Variants in DAB1 observed in about 807,000 individuals in gnomAD.
DAB1 encodes DAB adaptor protein 1, also known as disabled homolog 1.
In DAB1, 15 loss-of-function variants were observed where a neutral mutation model predicts 64.6. The ratio of observed to expected loss-of-function variants is 0.23; its 90% CI spans 0.16 to 0.36. DAB1 has a LOEUF of 0.36. Among genes scored for constraint, DAB1 ranks in the 10% least tolerant of loss-of-function variants. DAB1 has a pLI of 1.00. For missense variants in DAB1, 596 were observed against 706.7 expected (o/e 0.84, Z 1.78); for synonymous variants, 235 against 251.9 (o/e 0.93, Z 0.64).
chr1:57,987,641 A>C (rs1040911510), intron 5 of DAB1, among the ~76,000 whole-genome samples: 1 of 152,168 alleles, frequency 6.6e-6, no homozygotes, highest in Non-Finnish European at 1.5e-5. Context: ...AGGAATGCTA[A>C]AGGTGCTCAG....
intron 1 of DAB1, among the ~76,000 whole-genome samples, chr1:57,368,494 T>C (rs1005193752): frequency 2.6e-5 from 4 of 152,152 alleles, no homozygotes; most frequent in African/African-American, 9.6e-5. Flanking sequence ...CAGCCAGAGC[T>C]GAGCAGACTT....
intron 6 of DAB1, among the ~76,000 whole-genome samples, chr1:57,662,186 T>G (rs1646394962): frequency 6.7e-6 from 1 of 149,504 alleles, no homozygotes; most frequent in Admixed American, 6.6e-5. Flanking sequence ...GTTCTTTGTT[T>G]GTTTGTTTGT....
intron 3 of DAB1, among the ~76,000 whole-genome samples, chr1:58,467,510 G>C (rs1312488562): frequency 6.6e-6 from 1 of 152,182 alleles, no homozygotes; most frequent in Non-Finnish European, 1.5e-5. Flanking sequence ...GAAATGAGTA[G>C]ATGAGAGTCT....
At chr1:57,248,280 T>G (rs1669044333) in intron 2 of DAB1, among the ~76,000 whole-genome samples, 1 of 152,038 alleles carries the variant, frequency 6.6e-6, no homozygotes, top group Non-Finnish European at 1.5e-5. Flanking sequence ...ATACTTTCAA[T>G]CCATGGTTGG....
intron 6 of DAB1, among the ~76,000 whole-genome samples, chr1:57,693,166 C>G (rs999281166): frequency 2.0e-5 from 3 of 152,108 alleles, no homozygotes; most frequent in East Asian, 3.9e-4. Flanking sequence ...AAAGAGTTCC[C>G]CTCCAGAGGA....
chr1:57,370,290 A>C (rs987788654), intron 1 of DAB1, among the ~76,000 whole-genome samples: 2 of 152,214 alleles, frequency 1.3e-5, no homozygotes, highest in South Asian at 4.1e-4. Context: ...GCAAAATAAG[A>C]TAATAAGAAA....
At chr1:57,330,403 G>A (rs1468833699) in intron 1 of DAB1, among the ~76,000 whole-genome samples, 1 of 152,196 alleles carries the variant, frequency 6.6e-6, no homozygotes, top group Non-Finnish European at 1.5e-5. Flanking sequence ...ACAGGTTGTG[G>A]AGTCACAGAA....
intron 7 of DAB1, among the ~76,000 whole-genome samples, chr1:57,628,261 G>A (rs1570686434): frequency 6.6e-6 from 1 of 152,180 alleles, no homozygotes; most frequent in Non-Finnish European, 1.5e-5. Flanking sequence ...ATGTAAAAAA[G>A]CATTTATAAA....
chr1:58,349,182 C>T (rs1454975862), intron 3 of DAB1, among the ~76,000 whole-genome samples: 1 of 152,166 alleles, frequency 6.6e-6, no homozygotes, highest in Non-Finnish European at 1.5e-5. Context: ...ATCTGAGCTC[C>T]TGGGTTGCTC....
chr1:58,468,003 C>A (rs338245), intron 3 of DAB1: 125,177 of 151,960 alleles, frequency 0.82, 52,488 homozygotes, highest in African/African-American at 0.93. Context: ...CAGCTCACTG[C>A]AACCTCTGCC....
chr1:58,201,937 T>C (rs1248521049), intron 4 of DAB1, among the ~76,000 whole-genome samples: 2 of 152,146 alleles, frequency 1.3e-5, no homozygotes, highest in African/African-American at 4.8e-5. Context: ...GCAGCCTCTA[T>C]AGCAACATCC....
rs1334633626 is a variant in DAB1, at chr1:56,997,306, A to G, written c.*838T>C. 2 of 152,202 alleles carry G rather than the reference A, an allele frequency of 1.3e-5. No homozygotes were observed. Among genetic ancestry groups the G allele is most frequent in the Non-Finnish European group, 2.9e-5 (2 of 68,034 alleles). 9.4% of individuals were successfully genotyped at this position (152,202 alleles called of 1,614,324 possible). A position where few individuals can be genotyped will look rare whatever the true frequency, so the allele number is the denominator to read the frequency against. The stretch of plus-strand genomic sequence containing the variant: ...ATTTTTCATCTTTCTCATCAATGGG[A>G]TCTGATGTCTTTTCCTACTCACAGA... On this transcript the variant is annotated 3_prime_UTR_variant, in exon 15 of 15. Transcript: ENST00000371236.
chr1:57,263,784 A>T (rs1670378468), intron 2 of DAB1, among the ~76,000 whole-genome samples: 1 of 152,200 alleles, frequency 6.6e-6, no homozygotes, highest in Admixed American at 6.5e-5. Context: ...TTTTCATTAC[A>T]CTTGTTATCT....
intron 5 of DAB1, among the ~76,000 whole-genome samples, chr1:58,087,328 A>C (rs542738528): frequency 2.6e-5 from 4 of 152,340 alleles, no homozygotes; most frequent in African/African-American, 9.6e-5. Context: ...TCAAAGGAGG[A>C]GCACTTTAAG....
intron 4 of DAB1, among the ~76,000 whole-genome samples, chr1:58,328,856 G>A (rs1213641): frequency 0.017 from 2,530 of 152,032 alleles, 86 homozygotes; most frequent in African/African-American, 0.058. Context: ...TGCCTGCCTC[G>A]GCCTCCCAAT....
At chr1:57,400,273 C>CT (rs2101028387) in intron 1 of DAB1, among the ~76,000 whole-genome samples, 2 of 152,082 alleles carry the variant, frequency 1.3e-5, no homozygotes, top group East Asian at 3.9e-4. Flanking sequence ...TTTTTAACCT[C>CT]TGAGTTGGAG....
At chr1:57,460,000 T>C (rs1318657181) in intron 7 of DAB1, among the ~76,000 whole-genome samples, 3 of 152,106 alleles carry the variant, frequency 2.0e-5, no homozygotes, top group Non-Finnish European at 4.4e-5. Flanking sequence ...CACCTTACAG[T>C]GGTGTTGCAA....
intron 5 of DAB1, among the ~76,000 whole-genome samples, chr1:58,070,533 T>C (rs1447127203): frequency 6.6e-6 from 1 of 152,306 alleles, no homozygotes; most frequent in Non-Finnish European, 1.5e-5. Context: ...ATAATGGCTT[T>C]AACCAGGAGC....
intron 4 of DAB1, among the ~76,000 whole-genome samples, chr1:58,153,793 C>T (rs1383957031): frequency 1.3e-5 from 2 of 149,986 alleles, no homozygotes; most frequent in Non-Finnish European, 1.5e-5. Flanking sequence ...TGTGTTAACC[C>T]GTCCTGTCAT....
Sources: gnomAD v4.1 joint callset for allele counts (sites outside exome capture counted in the v4.1 genomes callset) on GRCh38, gnomAD v4.1.1 for gene constraint, MANE v1.5 for transcripts, NCBI Gene and HGNC (gene_info 2026-07-23, HGNC 2026-07-21) for gene names.